TYR: variants seen among roughly 807,000 people sequenced by gnomAD.
The protein encoded by TYR is LB24-AB.
A neutral mutation model predicts 51.5 loss-of-function variants in TYR; 58 were observed. The ratio of observed to expected loss-of-function variants is 1.13; its 90% CI spans 0.91 to 1.40. The LOEUF (loss-of-function observed/expected upper bound fraction) is 1.40, where lower values mean the gene tolerates loss of function less well. TYR is among the 40% of genes most tolerant of loss of function. The pLI, the probability that TYR is intolerant of heterozygous loss-of-function variation, is 0.00. For synonymous variants in TYR, 263 were observed against 235.2 expected (o/e 1.12, Z -1.08); for missense variants, 732 against 647.4 (o/e 1.13, Z -1.42).
chr11:89,257,560 A>T (rs1944408085), intron 3 of TYR, among the ~76,000 whole-genome samples: 1 of 152,056 alleles, frequency 6.6e-6, no homozygotes, highest in Non-Finnish European at 1.5e-5. Flanking sequence ...TTGATCACAC[A>T]TATGAAATAA....
intron 2 of TYR, among the ~76,000 whole-genome samples, chr11:89,226,295 T>C (rs1004278309): frequency 3.3e-5 from 5 of 152,156 alleles, no homozygotes; most frequent in Non-Finnish European, 4.4e-5. Context: ...ACAAGTTCTT[T>C]GTCCCCTCTA....
chr11:89,188,693 G>A (rs1421222548), intron 1 of TYR, among the ~76,000 whole-genome samples: 1 of 152,072 alleles, frequency 6.6e-6, no homozygotes, highest in African/African-American at 2.4e-5. Flanking sequence ...GGCTGAATAT[G>A]ATGTTAAATA....
At chr11:89,280,589 G>GT (rs1944709581) in intron 3 of TYR, among the ~76,000 whole-genome samples, 1 of 151,074 alleles carries the variant, frequency 6.6e-6, no homozygotes, top group East Asian at 1.9e-4. Context: ...ATTATGTATA[G>GT]TTTTTTAAAA....
chr11:89,249,680 A>G (rs1565412574), intron 3 of TYR, among the ~76,000 whole-genome samples: 1 of 152,036 alleles, frequency 6.6e-6, no homozygotes, highest in East Asian at 1.9e-4. Context: ...CAAAATAAGG[A>G]GCATTTTTAA....
At chr11:89,291,237 T>TTATA (rs1944850007) in intron 4 of TYR, among the ~76,000 whole-genome samples, 1 of 151,944 alleles carries the variant, frequency 6.6e-6, no homozygotes, top group South Asian at 2.1e-4. Flanking sequence ...CTGTACCAGA[T>TTATA]TCTAGAATTA....
chr11:89,284,157 G>A (rs778703382), intron 3 of TYR, among the ~76,000 whole-genome samples: 44 of 151,658 alleles, frequency 2.9e-4, no homozygotes, highest in Non-Finnish European at 4.9e-4. Flanking sequence ...CTCCTGTTTC[G>A]AAGTCATGAA....
Position 89,178,458 on chromosome 11 carries a change from G to A in TYR, c.505G>A (p.Asp169Asn), listed in dbSNP as rs753049427. ...MKNGSTPMFN[D>N]INIYDLFVWM... The stretch of plus-strand genomic sequence containing the variant: ...AAATGGATCAACACCCATGTTTAAC[G>A]ACATCAATATTTATGACCTCTTTGT... Residue 169 changes from aspartate (D) to asparagine (N), a missense_variant, in exon 1 of 5, where the codon GAC becomes AAC. Coordinates refer to ENST00000263321, the MANE Select transcript of TYR (RefSeq NM_000372.5). 1.9e-6 allele frequency: 3 copies of A among 1,614,066 alleles called. No individual in the cohort carries two copies. The highest frequency in any genetic ancestry group is 2.5e-6 in the Non-Finnish European group (3 of 1,179,990).
intron 3 of TYR, among the ~76,000 whole-genome samples, chr11:89,279,781 T>C (rs747346467): frequency 1.3e-5 from 2 of 151,666 alleles, no homozygotes; most frequent in Admixed American, 1.3e-4. Flanking sequence ...GTTGGTCAAG[T>C]TTCTCAAACT....
intron 3 of TYR, among the ~76,000 whole-genome samples, chr11:89,239,472 A>G (rs1462185787): frequency 6.6e-6 from 1 of 151,930 alleles, no homozygotes; most frequent in Non-Finnish European, 1.5e-5. Context: ...ATTCTGGATA[A>G]AGGTATGTCA....
intron 1 of TYR, among the ~76,000 whole-genome samples, chr11:89,179,386 G>T (rs2135243225): frequency 6.6e-6 from 1 of 152,230 alleles, no homozygotes; most frequent in South Asian, 2.1e-4. Flanking sequence ...GCTTAAACAG[G>T]TAAATAATGA....
chr11:89,209,532 C>T (rs1471027645), intron 2 of TYR, among the ~76,000 whole-genome samples: 1 of 152,166 alleles, frequency 6.6e-6, no homozygotes, highest in African/African-American at 2.4e-5. Flanking sequence ...GGGGGCAGGG[C>T]ATATCTGAAC....
chr11:89,252,214 G>C (rs1181724028), intron 3 of TYR, among the ~76,000 whole-genome samples: 1 of 145,964 alleles, frequency 6.9e-6, no homozygotes, highest in African/African-American at 2.8e-5. Context: ...GAGACGATCA[G>C]TACCAAGCCA....
Position 89,230,359 on chromosome 11 carries a change from C to T in TYR, c.1184+2389C>T, listed in dbSNP as rs1025985714. On this transcript the variant is annotated intron_variant, in intron 3 of 4. Coordinates refer to ENST00000263321, the MANE Select transcript of TYR (RefSeq NM_000372.5). ...AGAATGAAATTGGACCCATATCTAACACCATATCCAAAACCAATTCAAAAT... is the reference window on the plus strand; with the variant it reads ...AGAATGAAATTGGACCCATATCTAATACCATATCCAAAACCAATTCAAAAT... 2.6e-5 allele frequency among the ~76,000 whole-genome samples: 4 copies of T among 152,200 alleles called. No homozygotes were observed. The East Asian group carries it at 7.7e-4, about 29-fold the overall frequency.
At position 89,208,284 on chromosome 11, in the gene TYR, A is replaced by T. The variant is rs150117080; in HGVS notation, c.1036+16866A>T. On this transcript the variant is annotated intron_variant, in intron 2 of 4. Coordinates refer to ENST00000263321, the MANE Select transcript of TYR (RefSeq NM_000372.5). ...GACTCCGTCTCAAGAAAAGAAAAAA[A>T]GTTTTTAAAAAGACAAAGTTCTTTA... is the stretch of plus-strand genomic sequence containing the variant. Among the ~76,000 whole-genome samples, 39 of 152,354 alleles carry T rather than the reference A, an allele frequency of 2.6e-4. No individual in the cohort carries two copies. In the East Asian group the frequency reaches 7.1e-3, roughly 28 times the overall value.
At chr11:89,226,410 TTA>T (rs761101849) in intron 2 of TYR, among the ~76,000 whole-genome samples, 40 of 152,180 alleles carry the variant, frequency 2.6e-4, no homozygotes, top group Non-Finnish European at 5.4e-4. Flanking sequence ...TCTACACAGA[TTA>T]AGTGTCATGT....
chr11:89,238,198 C>T (rs996149502), intron 3 of TYR, among the ~76,000 whole-genome samples: 15 of 152,062 alleles, frequency 9.9e-5, no homozygotes, highest in African/African-American at 3.6e-4. Context: ...AAATTCCTTT[C>T]ATCAATATTT....
intron 3 of TYR, among the ~76,000 whole-genome samples, chr11:89,268,828 C>A (rs923413255): frequency 4.6e-5 from 7 of 151,890 alleles, no homozygotes; most frequent in Admixed American, 1.3e-4. Flanking sequence ...TACATTGCAT[C>A]CCACACCAGA....
rs539431046 is a variant in TYR, at chr11:89,252,416, G to A, written c.1184+24446G>A. On this transcript the variant is annotated intron_variant, in intron 3 of 4. Transcript: ENST00000263321. ...ATAAGATTTTAAAGTCCATAATGGGGCAGAAATGAAAGACTTGAGCCCACC... is the reference window on the plus strand; with the variant it reads ...ATAAGATTTTAAAGTCCATAATGGGACAGAAATGAAAGACTTGAGCCCACC... Among the ~76,000 whole-genome samples the A allele has an allele frequency of 2.6e-5, 4 of 151,718 alleles. No homozygotes were observed. The East Asian group carries it at 5.8e-4, about 22-fold the overall frequency.
At chr11:89,221,001 C>A (rs906112069) in intron 2 of TYR, among the ~76,000 whole-genome samples, 3 of 152,142 alleles carry the variant, frequency 2.0e-5, no homozygotes, top group Non-Finnish European at 2.9e-5. Context: ...ACACAAAAAC[C>A]TTTCTTGAAT....
Sources: allele counts gnomAD v4.1 joint callset (sites outside exome capture counted in the v4.1 genomes callset), GRCh38; gene constraint gnomAD v4.1.1; transcripts MANE v1.5; gene names NCBI Gene and HGNC (gene_info 2026-07-23, HGNC 2026-07-21).